The following DYNC2H1 variants were observed in gnomAD, a reference collection of about 807,000 sequenced individuals.
The protein encoded by DYNC2H1 is cytoplasmic dynein 2 heavy chain 1.
A neutral mutation model predicts 570.0 loss-of-function variants in DYNC2H1; 410 were observed. The ratio of observed to expected loss-of-function variants is 0.72; its 90% confidence interval spans 0.66 to 0.78. DYNC2H1 has a LOEUF of 0.78. DYNC2H1 is among the 30% of genes least tolerant of loss of function. DYNC2H1 has a pLI of 0.00. For missense variants in DYNC2H1, 4,865 were observed against 5,046.4 expected (o/e 0.96, Z 1.09); for synonymous variants, 1,688 against 1,677.6 (o/e 1.01, Z -0.15).
Position 103,241,391 on chromosome 11 carries a change from C to G in DYNC2H1, c.9820-2302C>G. 1.4e-6 allele frequency: 1 copy of G among 694,012 alleles called. No homozygotes were observed. The highest frequency in any genetic ancestry group is 2.4e-6 in the Non-Finnish European group (1 of 411,296). The allele number at this position is 694,012 out of a possible 1,614,324, so 43.0% of individuals were successfully genotyped here. Reference sequence around the variant, plus strand: ...CAGAGATAAAATGTACCATAGAAATCTTATCTAAATCTGTCTGGAGACGTA... The same window carrying G: ...CAGAGATAAAATGTACCATAGAAATGTTATCTAAATCTGTCTGGAGACGTA... On this transcript the variant is annotated intron_variant, in intron 63 of 88. Coordinates refer to ENST00000375735, the MANE Select transcript of DYNC2H1 (RefSeq NM_001377.3). The surrounding 1 kb of genome is among the most constrained non-coding windows in gnomAD (Gnocchi z 5.1).
chr11:103,233,979 A>G (rs1864123685), intron 60 of DYNC2H1, 55 bp from the exon 61 acceptor site: 1 of 1,518,740 alleles, frequency 6.6e-7, no homozygotes. Flanking sequence ...GGATAATTTC[A>G]TTAAATCTCT....
intron 82 of DYNC2H1, among the ~76,000 whole-genome samples, chr11:103,341,953 C>T (rs1210645714): frequency 6.6e-6 from 1 of 152,112 alleles, no homozygotes; most frequent in Non-Finnish European, 1.5e-5. Flanking sequence ...TCAACCTGGG[C>T]AACATAGTGA....
intron 2 of DYNC2H1, 59 bp downstream of exon 2, chr11:103,113,766 A>G (rs1473136931): frequency 7.9e-7 from 1 of 1,267,290 alleles, no homozygotes; most frequent in African/African-American, 1.6e-5. Context: ...GTTTTCATAT[A>G]AACATAAATA....
intron 75 of DYNC2H1, among the ~76,000 whole-genome samples, chr11:103,296,414 G>T (rs1591539152): frequency 6.6e-6 from 1 of 152,106 alleles, no homozygotes; most frequent in South Asian, 2.1e-4. Context: ...CCCAAATTTG[G>T]ATAAACATGG....
At chr11:103,194,419 C>G (rs1862436878) in intron 47 of DYNC2H1, among the ~76,000 whole-genome samples, 1 of 152,000 alleles carries the variant, frequency 6.6e-6, no homozygotes, top group Non-Finnish European at 1.5e-5. Context: ...TTTTTGTTTT[C>G]TGTAATAAAT....
At chr11:103,420,801 A>G (rs1943460573) in intron 84 of DYNC2H1, among the ~76,000 whole-genome samples, 1 of 152,214 alleles carries the variant, frequency 6.6e-6, no homozygotes, top group South Asian at 2.1e-4. Flanking sequence ...CAGTGACACT[A>G]TGGAGAAACC....
At chr11:103,456,474 T>C (rs765443965) in intron 87 of DYNC2H1, 118 bp downstream of exon 87, 137 of 636,292 alleles carry the variant, frequency 2.2e-4, no homozygotes, top group Admixed American at 6.3e-4. Flanking sequence ...TAGAGTTAGA[T>C]TGTATTATCT....
chr11:103,434,685 T>A lies in DYNC2H1; in HGVS notation c.12367-1258T>A, dbSNP rs192927270. Among the ~76,000 whole-genome samples, 603 of 152,214 alleles carry A rather than the reference T, an allele frequency of 4.0e-3. 5 individuals are homozygous for A. The highest frequency in any genetic ancestry group is 0.014 in the African/African-American group (577 of 41,540). ...GGCTTAAAATAATGTTTTTTAAAAA[T>A]CATTTATTTTTAGCTTAAAAGTGTG... On this transcript the variant is annotated intron_variant, in intron 84 of 88. Coordinates refer to ENST00000375735, the MANE Select transcript of DYNC2H1 (RefSeq NM_001377.3).
chr11:103,462,459 C>T (rs1945050576), intron 87 of DYNC2H1, among the ~76,000 whole-genome samples: 1 of 152,136 alleles, frequency 6.6e-6, no homozygotes, highest in South Asian at 2.1e-4. Context: ...CCTCATTCCT[C>T]ATGTAAAGTT....
At chr11:103,258,949 C>CT (rs770163046) in intron 69 of DYNC2H1, among the ~76,000 whole-genome samples, 2 of 152,128 alleles carry the variant, frequency 1.3e-5, no homozygotes, top group African/African-American at 2.4e-5. Flanking sequence ...TATTTGCTAT[C>CT]TAAAGTAATG....
chr11:103,148,137 T>A (rs1224144626), intron 19 of DYNC2H1, among the ~76,000 whole-genome samples: 1 of 152,216 alleles, frequency 6.6e-6, no homozygotes, highest in Non-Finnish European at 1.5e-5. Context: ...ATAATGTATT[T>A]CTGCTTATCT....
intron 84 of DYNC2H1, among the ~76,000 whole-genome samples, chr11:103,419,331 T>A (rs1943400500): frequency 6.6e-6 from 1 of 152,142 alleles, no homozygotes; most frequent in African/African-American, 2.4e-5. Context: ...TCCTCCTGAC[T>A]GGATGAGACC....
intron 17 of DYNC2H1, among the ~76,000 whole-genome samples, chr11:103,141,489 G>A (rs532436344): frequency 6.6e-6 from 1 of 152,214 alleles, no homozygotes; most frequent in Admixed American, 6.5e-5. Flanking sequence ...GTTTGCCTGG[G>A]TATCAGCAGC....
intron 87 of DYNC2H1, among the ~76,000 whole-genome samples, chr11:103,467,752 T>C (rs1465870084): frequency 6.6e-6 from 1 of 152,168 alleles, no homozygotes; most frequent in Non-Finnish European, 1.5e-5. Context: ...TTAGCCAGGA[T>C]GGTCTCCATC....
At chr11:103,276,456 A>G (rs552597260) in intron 70 of DYNC2H1, among the ~76,000 whole-genome samples, 13 of 152,140 alleles carry the variant, frequency 8.5e-5, no homozygotes, top group Non-Finnish European at 1.5e-4. Context: ...AAAACTTGGT[A>G]GGAAGGTTTG....
chr11:103,464,883 C>T (rs1945143685), intron 87 of DYNC2H1, among the ~76,000 whole-genome samples: 1 of 152,018 alleles, frequency 6.6e-6, no homozygotes, highest in Non-Finnish European at 1.5e-5. Flanking sequence ...CCCAAATTAA[C>T]AAAATAATTT....
chr11:103,148,717 A>AATATATTTTTT (rs1377080617), intron 20 of DYNC2H1, 100 bp downstream of exon 20: 12 of 1,341,308 alleles, frequency 8.9e-6, no homozygotes, highest in East Asian at 5.2e-5. Flanking sequence ...ATATAATCTC[A>AATATATTTTTT]ACATTATAAG....
At chr11:103,139,799 A>G (rs2134806981) in intron 17 of DYNC2H1, among the ~76,000 whole-genome samples, 1 of 152,102 alleles carries the variant, frequency 6.6e-6, no homozygotes, top group South Asian at 2.1e-4. Flanking sequence ...TGATCTGTCT[A>G]ATGTTGACAG....
intron 84 of DYNC2H1, chr11:103,405,345 G>T (rs1193638729): frequency 6.6e-6 from 1 of 151,776 alleles, no homozygotes; most frequent in Non-Finnish European, 1.5e-5. Flanking sequence ...ATTAAATTGT[G>T]GTAATAAAGT....
Sources: gnomAD v4.1 joint callset for allele counts (sites outside exome capture counted in the v4.1 genomes callset) on GRCh38, gnomAD v4.1.1 for gene constraint, Gnocchi (gnomAD v3.1) non-coding constraint, MANE v1.5 for transcripts, NCBI Gene and HGNC (gene_info 2026-07-23, HGNC 2026-07-21) for gene names.